Variants in RXFP1 observed in about 807,000 individuals in gnomAD.
RXFP1 encodes relaxin receptor 1.
Under a neutral mutation model 89.8 loss-of-function variants are expected in RXFP1, and 73 were observed. That is an observed-to-expected ratio of 0.81 (90% CI 0.67 to 0.99). The LOEUF is 0.99. Among genes scored for constraint, RXFP1 ranks in the 50% least tolerant of loss-of-function variants. The pLI is 0.00. For missense variants in RXFP1, 793 were observed against 895.5 expected (o/e 0.89, Z 1.46); for synonymous variants, 277 against 305.5 (o/e 0.91, Z 0.97).
intron 17 of RXFP1, among the ~76,000 whole-genome samples, chr4:158,650,744 G>A (rs1772542177): frequency 6.6e-6 from 1 of 151,990 alleles, no homozygotes; most frequent in Non-Finnish European, 1.5e-5. Flanking sequence ...ACTACAACCT[G>A]GGTGATAGAG....
chr4:158,634,799 A>G lies in RXFP1; in HGVS notation c.971+1323A>G, dbSNP rs576161249. ...TTATTGAAAAGACTACTCTTTCCCC[A>G]TTGAATGTCCTTGGCACCCTTGTTG... is the stretch of plus-strand genomic sequence containing the variant. On this transcript the variant is annotated intron_variant, in intron 12 of 17. Transcript: ENST00000307765. Among the ~76,000 whole-genome samples, 23 of 152,284 alleles carry G rather than the reference A, an allele frequency of 1.5e-4. 1 individual carries two copies. In the South Asian group the frequency reaches 4.8e-3, roughly 32 times the overall value.
chr4:158,581,758 G>A (rs1212846205), intron 2 of RXFP1, among the ~76,000 whole-genome samples: 6 of 152,176 alleles, frequency 3.9e-5, no homozygotes, highest in Non-Finnish European at 8.8e-5. Flanking sequence ...AGTCATGGAT[G>A]TCTGTTTTGC....
chr4:158,613,223 T>C (rs1763902868), intron 8 of RXFP1, among the ~76,000 whole-genome samples: 1 of 152,358 alleles, frequency 6.6e-6, no homozygotes, highest in Non-Finnish European at 1.5e-5. Flanking sequence ...CATGTCAATG[T>C]TGACAGCTGC....
chr4:158,540,690 C>G (rs1746384645), intron 1 of RXFP1, among the ~76,000 whole-genome samples: 1 of 151,158 alleles, frequency 6.6e-6, no homozygotes, highest in Non-Finnish European at 1.5e-5. Context: ...GAAGAAGAAA[C>G]TGAAGTTCAA....
rs554857816 is a variant in RXFP1 at position 158,549,837 on chromosome 4, G to A, written c.50-22861G>A. 1.8e-3 allele frequency among the ~76,000 whole-genome samples: 269 copies of A among 152,314 alleles called. 1 individual carries two copies. The highest frequency in any genetic ancestry group is 3.4e-3 in the Middle Eastern group (1 of 294). On this transcript the variant is annotated intron_variant, in intron 1 of 17. Transcript: ENST00000307765. ...TTTTGTCTCAGAGGAGTACCCGGCC[G>A]TGTGAGGTGTCAGTCTGCCCCTACT...
intron 5 of RXFP1, among the ~76,000 whole-genome samples, chr4:158,606,567 A>C (rs1345517503): frequency 6.6e-6 from 1 of 152,134 alleles, no homozygotes; most frequent in Non-Finnish European, 1.5e-5. Flanking sequence ...GGCCCACAGC[A>C]TGTCCGGTTC....
In RXFP1 at chr4:158,652,060, C is replaced by T. The variant is rs1772851849; in HGVS notation, c.*5C>T. On this transcript the variant is annotated 3_prime_UTR_variant, in exon 18 of 18. Transcript: ENST00000307765. ...AGACTCAATTCCTATTCATGACTGACTCTGAAATTCATTTCTTCGCAGAGA... is the reference window on the plus strand; with the variant it reads ...AGACTCAATTCCTATTCATGACTGATTCTGAAATTCATTTCTTCGCAGAGA... The T allele has an allele frequency of 2.5e-6, 4 of 1,597,348 alleles. No homozygotes were observed. Among genetic ancestry groups the T allele is most frequent in the Admixed American group, 1.7e-5 (1 of 58,422 alleles).
intron 2 of RXFP1, among the ~76,000 whole-genome samples, chr4:158,589,097 C>A (rs1268678208): frequency 6.6e-6 from 1 of 152,162 alleles, no homozygotes; most frequent in Non-Finnish European, 1.5e-5. Flanking sequence ...CTTCACAGAG[C>A]AGCAGGAGAG....
chr4:158,588,161 C>CT (rs535924166), intron 2 of RXFP1, among the ~76,000 whole-genome samples: 9 of 151,942 alleles, frequency 5.9e-5, no homozygotes, highest in African/African-American at 1.9e-4. Context: ...CCACGTGACT[C>CT]TTTTTTTTAG....
At chr4:158,573,328 T>C (rs1057101688) in intron 2 of RXFP1, among the ~76,000 whole-genome samples, 2 of 152,158 alleles carry the variant, frequency 1.3e-5, no homozygotes, top group African/African-American at 4.8e-5. Flanking sequence ...CTCGTTTCCA[T>C]GTAATGGTAT....
chr4:158,560,371 T>G (rs6858010), intron 1 of RXFP1, among the ~76,000 whole-genome samples: 7,115 of 152,250 alleles, frequency 0.047, 547 homozygotes, highest in African/African-American at 0.16. Context: ...GAGGCTCAGA[T>G]AGCATGGACT....
rs1318665549 is a variant in RXFP1 at position 158,569,633 on chromosome 4, T to G, written c.50-3065T>G. On this transcript the variant is annotated intron_variant, in intron 1 of 17. Coordinates refer to ENST00000307765, the MANE Select transcript of RXFP1 (RefSeq NM_021634.4). ...GTTGCCCTTCAAAGTCAGAATAGGA[T>G]GGTTATGTGAAACGTTATCAAATAT... Among the ~76,000 whole-genome samples the G allele has an allele frequency of 2.0e-5, 3 of 152,238 alleles. No homozygotes were observed. The East Asian group carries it at 5.8e-4, about 29-fold the overall frequency.
At chr4:158,645,164 A>C in intron 15 of RXFP1, 26 bp downstream of exon 15, 3 of 1,539,948 alleles carry the variant, frequency 1.9e-6, no homozygotes, top group Non-Finnish European at 2.7e-6. Context: ...TTAAAGGAGA[A>C]TTGTAGTTTT....
In RXFP1 at chr4:158,648,617, C is replaced by T. The variant is rs752064052; in HGVS notation, c.1875C>T (p.Ile625=). The T allele has an allele frequency of 6.2e-7, 1 of 1,613,066 alleles. No individual in the cohort carries two copies. Among genetic ancestry groups the T allele is most frequent in the South Asian group, 1.1e-5 (1 of 90,992 alleles). ...EIRNQVKKEM[I]LAKRFFFIVF... is the part of the protein sequence containing the mutation. Reference sequence around the variant, plus strand: ...GGAATCAAGTTAAAAAAGAGATGATCCTTGCCAAACGTTTTTTCTTTATAG... The same window carrying T: ...GGAATCAAGTTAAAAAAGAGATGATTCTTGCCAAACGTTTTTTCTTTATAG... The change falls in exon 17 of 18, where the codon ATC becomes ATT. Residue 625 remains isoleucine, a synonymous_variant. Transcript: ENST00000307765.
At chr4:158,627,878 A>G (rs1561162825) in intron 10 of RXFP1, among the ~76,000 whole-genome samples, 1 of 152,178 alleles carries the variant, frequency 6.6e-6, no homozygotes, top group South Asian at 2.1e-4. Context: ...TTTCTTTTCT[A>G]TTGTACTTGT....
chr4:158,534,292 G>A (rs1488862712), intron 1 of RXFP1, among the ~76,000 whole-genome samples: 2 of 147,086 alleles, frequency 1.4e-5, no homozygotes, highest in Admixed American at 1.4e-4. Flanking sequence ...TTGTTGCCCA[G>A]GCTGGAGTGC....
At position 158,617,147 on chromosome 4, in the gene RXFP1, G is replaced by T. The variant is rs116791794; in HGVS notation, c.697G>T (p.Val233Phe). The T allele has an allele frequency of 6.2e-7, 1 of 1,607,728 alleles. No homozygotes were observed. ...CTTTTTCAGAGTCCTGATGAATAAC[G>T]TCCTCACCCGTTTACCTGATAAACC... ...SLILLVLMNN[V>F]LTRLPDKPLC... Residue 233 changes from valine to phenylalanine, a missense_variant, in exon 9 of 18, where the codon GTC becomes TTC. Coordinates refer to ENST00000307765, the MANE Select transcript of RXFP1 (RefSeq NM_021634.4).
intron 8 of RXFP1, among the ~76,000 whole-genome samples, chr4:158,615,289 C>A (rs1469153089): frequency 6.6e-6 from 1 of 151,592 alleles, no homozygotes; most frequent in Admixed American, 6.6e-5. Context: ...GTAATCCTAG[C>A]ACTTTGGGAT....
At chr4:158,599,535 A>G in intron 4 of RXFP1, 104 bp downstream of exon 4, 2 of 952,048 alleles carry the variant, frequency 2.1e-6, no homozygotes, top group Non-Finnish European at 3.0e-6. Context: ...TTATTCAAAG[A>G]TGATGTCATT....
Sources: gnomAD v4.1 joint callset for allele counts (sites outside exome capture counted in the v4.1 genomes callset) on GRCh38, gnomAD v4.1.1 for gene constraint, MANE v1.5 for transcripts, NCBI Gene and HGNC (gene_info 2026-07-23, HGNC 2026-07-21) for gene names.